KIR2DL3: variants seen among roughly 807,000 people sequenced by gnomAD.
The protein encoded by KIR2DL3 is killer cell immunoglobulin-like receptor 2DL3.
A neutral mutation model predicts 33.8 loss-of-function variants in KIR2DL3; 39 were observed. The observed-to-expected ratio is 1.15, with a 90% CI of 0.89 to 1.51. KIR2DL3 has a LOEUF of 1.51. KIR2DL3 is among the 40% of genes most tolerant of loss of function. KIR2DL3 has a pLI of 0.00. For missense variants in KIR2DL3, 462 were observed against 426.2 expected, an observed-to-expected ratio of 1.08 and a Z score of -0.74; for synonymous variants, 174 against 160.2, an observed-to-expected ratio of 1.09 and a Z score of -0.65.
intron 1 of KIR2DL3, among the ~76,000 whole-genome samples, chr19:54,738,951 T>A (rs1005391828): frequency 4.8e-5 from 1 of 20,928 alleles, no homozygotes; most frequent in East Asian, 1.1e-3. Flanking sequence ...GGCCTGGAGG[T>A]GGAGATATGG....
intron 2 of KIR2DL3, among the ~76,000 whole-genome samples, chr19:54,740,748 C>T (rs2070900598): frequency 2.0e-5 from 3 of 151,762 alleles, no homozygotes; most frequent in African/African-American, 7.3e-5. Flanking sequence ...TCCCTGGAGT[C>T]TGTGACTATT....
chr19:54,741,312 CCTGGGTGAAGGAGTGAGA>C (rs2071050696), intron 2 of KIR2DL3, among the ~76,000 whole-genome samples: 1 of 151,028 alleles, frequency 6.6e-6, no homozygotes, highest in Non-Finnish European at 1.5e-5. Context: ...TTCACTCCAG[CCTGGGTGAAGGAGTGAGA>C]CTCTGTCTCC....
Position 54,747,385 on chromosome 19 carries a change from G to T in KIR2DL3, c.715G>T (p.Gly239Cys). The change falls in exon 5 of 8, where the codon GGT becomes TGT. Residue 239 changes from glycine (G) to cysteine (C), a missense_variant and splice_region_variant. Transcript: ENST00000342376. ...ACCCACTGAACCAAGCTCCGAAACC[G>T]GTGAGTACAGAACCCTCTTATATCC... ...PSPTEPSSETGNPRHLHVLIG... is the reference protein window; with the variant it reads ...PSPTEPSSETCNPRHLHVLIG... 1 of 1,610,480 alleles carries T rather than the reference G, an allele frequency of 6.2e-7. No homozygotes were observed. Among genetic ancestry groups the T allele is most frequent in the East Asian group, 2.2e-5 (1 of 44,864 alleles).
Position 54,742,017 on chromosome 19 carries a change from T to C in KIR2DL3, c.108T>C (p.Gly36=). 6.2e-7 allele frequency: 1 copy of C among 1,611,740 alleles called. No homozygotes were observed. The highest frequency in any genetic ancestry group is 8.5e-7 in the Non-Finnish European group (1 of 1,178,858). Residue 36 remains glycine, a synonymous_variant, in exon 3 of 8, where the codon GGT becomes GGC. Coordinates refer to ENST00000342376, the MANE Select transcript of KIR2DL3 (RefSeq NM_015868.3). The stretch of plus-strand genomic sequence containing the variant: ...AACCTTCCCTCCTGGCCCACCCAGG[T>C]CCCCTGGTGAAATCAGAAGAGACAG... ...HRKPSLLAHP[G]PLVKSEETVI... is the part of the protein sequence containing the mutation.
intron 4 of KIR2DL3, among the ~76,000 whole-genome samples, chr19:54,747,045 C>T (rs1282182489): frequency 7.1e-6 from 1 of 141,086 alleles, no homozygotes; most frequent in Non-Finnish European, 1.6e-5. Flanking sequence ...CTTCATTCTG[C>T]TCCATTGTTC....
intron 1 of KIR2DL3, among the ~76,000 whole-genome samples, chr19:54,738,780 G>C (rs1375249942): frequency 6.1e-4 from 91 of 148,252 alleles, no homozygotes; most frequent in African/African-American, 1.9e-3. Flanking sequence ...CTGCAGTAGA[G>C]ATATGGGCTT....
In KIR2DL3 at chr19:54,752,145, TG is replaced by T; in HGVS notation, c.821-69del. On this transcript the variant is annotated intron_variant, in intron 6 of 7. Coordinates refer to ENST00000342376, the MANE Select transcript of KIR2DL3 (RefSeq NM_015868.3). ...GCTCCTATGGTCTCCCCCTGTATGT[TG>T]GTATCTGCTTATGAAATGAGGGCCC... 1.4e-6 allele frequency: 2 copies of T among 1,403,956 alleles called. 1 individual carries two copies. The highest frequency in any genetic ancestry group is 2.7e-5 in the South Asian group (2 of 73,430). 87.0% of individuals were successfully genotyped at this position (1,403,956 alleles called of 1,614,324 possible).
intron 4 of KIR2DL3, among the ~76,000 whole-genome samples, chr19:54,746,463 C>T (rs187852511): frequency 5.5e-3 from 716 of 129,540 alleles, no homozygotes; most frequent in South Asian, 0.013. Flanking sequence ...AAAATGTCTT[C>T]CTTCAGACAA....
At chr19:54,742,380 T>C in intron 3 of KIR2DL3, 101 bp downstream of exon 3, 4 of 1,505,600 alleles carry the variant, frequency 2.7e-6, no homozygotes, top group South Asian at 1.1e-5. Flanking sequence ...CTTGGTATTC[T>C]TATGGAGAGA....
chr19:54,742,810 T>C (rs1294227782), intron 3 of KIR2DL3, among the ~76,000 whole-genome samples: 34 of 151,128 alleles, frequency 2.2e-4, no homozygotes, highest in Non-Finnish European at 4.3e-4. Context: ...TGTGTGAACT[T>C]GTGGTCTCCA....
chr19:54,747,395 G>T lies in KIR2DL3; in HGVS notation c.715+10G>T, dbSNP rs769033538. On this transcript the variant is annotated intron_variant, in intron 5 of 7. Transcript: ENST00000342376. Reference sequence around the variant, plus strand: ...CCAAGCTCCGAAACCGGTGAGTACAGAACCCTCTTATATCCGCTTTTGGAA... The same window carrying T: ...CCAAGCTCCGAAACCGGTGAGTACATAACCCTCTTATATCCGCTTTTGGAA... The T allele has an allele frequency of 6.2e-7, 1 of 1,610,300 alleles. No individual in the cohort carries two copies. Among genetic ancestry groups the T allele is most frequent in the Admixed American group, 1.7e-5 (1 of 59,908 alleles).
chr19:54,742,209 C>T lies in KIR2DL3; in HGVS notation c.300C>T (p.Cys100=). The change falls in exon 3 of 8, where the codon TGC becomes TGT. Residue 100 remains cysteine (C), a synonymous_variant. Coordinates refer to ENST00000342376, the MANE Select transcript of KIR2DL3 (RefSeq NM_015868.3). ...MMQDLAGTYR[C]YGSVTHSPYQ... ...AAGACCTTGCAGGGACCTACAGATG[C>T]TACGGTTCTGTTACTCACTCCCCCT... 6.2e-7 allele frequency: 1 copy of T among 1,614,188 alleles called. No individual in the cohort carries two copies.
chr19:54,744,066 C>T lies in KIR2DL3; in HGVS notation c.642C>T (p.Asp214=). The T allele has an allele frequency of 1.2e-6, 2 of 1,614,228 alleles. No individual in the cohort carries two copies. The highest frequency in any genetic ancestry group is 1.7e-6 in the Non-Finnish European group (2 of 1,180,048). ...CATACGAGTGGTCAAACTCGAGTGA[C>T]CCACTGCTTGTTTCTGTCACAGGTG... The part of the protein sequence containing the change: ...DSPYEWSNSS[D]PLLVSVTGNP... The change falls in exon 4 of 8, where the codon GAC becomes GAT. Residue 214 remains aspartate (D), a synonymous_variant. Coordinates refer to ENST00000342376, the MANE Select transcript of KIR2DL3 (RefSeq NM_015868.3).
chr19:54,747,241 A>G (rs2072662149), intron 4 of KIR2DL3, 94 bp from the exon 5 acceptor site: 1 of 1,498,130 alleles, frequency 6.7e-7, no homozygotes. Flanking sequence ...ATATTAGATA[A>G]CAGAGTGTTG....
At chr19:54,744,503 A>G (rs1456385856) in intron 4 of KIR2DL3, among the ~76,000 whole-genome samples, 5 of 152,004 alleles carry the variant, frequency 3.3e-5, no homozygotes, top group Non-Finnish European at 5.9e-5. Context: ...GAGGATAAAT[A>G]TACCTATATA....
At chr19:54,745,019 C>G (rs1317496483) in intron 4 of KIR2DL3, among the ~76,000 whole-genome samples, 1 of 135,968 alleles carries the variant, frequency 7.4e-6, no homozygotes, top group African/African-American at 2.8e-5. Context: ...AGCCACCATT[C>G]TACTCTCTAC....
intron 4 of KIR2DL3, among the ~76,000 whole-genome samples, chr19:54,744,530 A>AT (rs199781218): frequency 0.027 from 3,838 of 141,518 alleles, 49 homozygotes; most frequent in African/African-American, 0.079. Flanking sequence ...CACCTTTAAC[A>AT]TTTTTTTTTT....
intron 5 of KIR2DL3, among the ~76,000 whole-genome samples, chr19:54,750,582 A>C (rs1296863148): frequency 7.3e-6 from 1 of 136,184 alleles, no homozygotes; most frequent in South Asian, 2.6e-4. Context: ...GGATGTAGAA[A>C]TCCTAAAGCA....
chr19:54,741,534 C>A (rs1482597727), intron 2 of KIR2DL3, among the ~76,000 whole-genome samples: 1 of 151,970 alleles, frequency 6.6e-6, no homozygotes. Flanking sequence ...AAGAGTGGCT[C>A]CCAGTCCCCA....
Sources: allele counts gnomAD v4.1 joint callset (sites outside exome capture counted in the v4.1 genomes callset), GRCh38; gene constraint gnomAD v4.1.1; transcripts MANE v1.5; gene names NCBI Gene and HGNC (gene_info 2026-07-23, HGNC 2026-07-21).